MASP1: variants seen among roughly 807,000 people sequenced by gnomAD.
The protein encoded by MASP1 is mannan-binding lectin serine protease 1.
Under a neutral mutation model 77.1 loss-of-function variants are expected in MASP1, and 59 were observed. That is an observed-to-expected ratio of 0.77 (90% CI 0.62 to 0.95). The LOEUF (loss-of-function observed/expected upper bound fraction) is 0.95, where lower values mean the gene tolerates loss of function less well. Among genes scored for constraint, MASP1 ranks in the 40% least tolerant of loss-of-function variants. The pLI is 0.00. For missense variants in MASP1, 885 were observed against 912.9 expected, an observed-to-expected ratio of 0.97 and a Z score of 0.39; for synonymous variants, 362 against 354.5, an observed-to-expected ratio of 1.02 and a Z score of -0.24.
At chr3:187,232,226 TC>T (rs113770534), downstream of MASP1, among the ~76,000 whole-genome samples, 2,474 of 148,740 alleles carry the variant, frequency 0.017, 71 homozygotes, top group African/African-American at 0.06. Flanking sequence ...TCTGATCCCT[TC>T]CCCCCCCCCC....
chr3:187,284,090 T>C (rs1717653907), intron 2 of MASP1, among the ~76,000 whole-genome samples: 1 of 152,222 alleles, frequency 6.6e-6, no homozygotes, highest in Non-Finnish European at 1.5e-5. Context: ...GCATCTAGAT[T>C]ACCAATCCGC....
intron 1 of MASP1, among the ~76,000 whole-genome samples, chr3:187,290,080 T>G (rs575320619): frequency 2.8e-4 from 42 of 152,328 alleles, no homozygotes; most frequent in Middle Eastern, 3.4e-3. Flanking sequence ...TGCTAGGTGC[T>G]GGCCATACAA....
Position 187,291,652 on chromosome 3 carries a change from C to A in MASP1, c.-20G>T. The A allele has an allele frequency of 6.2e-7, 1 of 1,614,222 alleles. No individual in the cohort carries two copies. The highest frequency in any genetic ancestry group is 1.3e-5 in the African/African-American group (1 of 75,062). ...CCTCATTTTCCTGCCTTGGGTGCTC[C>A]CGGCTGCCCGGCCTTGGTCCTCCCA... On this transcript the variant is annotated 5_prime_UTR_variant, in exon 1 of 11. Transcript: ENST00000296280.
intron 3 of MASP1, among the ~76,000 whole-genome samples, chr3:187,262,295 A>G (rs1715647260): frequency 6.6e-6 from 1 of 152,230 alleles, no homozygotes; most frequent in South Asian, 2.1e-4. Context: ...ATGCATGCTG[A>G]ATTATTTAGG....
At chr3:187,221,074 T>C (rs1307293437) in exon 15 of MASP1, 1 of 1,614,170 alleles carries the variant, frequency 6.2e-7, no homozygotes, top group Admixed American at 1.7e-5. Flanking sequence ...CTGGTCACTT[T>C]CTTCTTCAGC....
chr3:187,240,387 C>T (rs1366933842), intron 10 of MASP1, among the ~76,000 whole-genome samples: 2 of 152,080 alleles, frequency 1.3e-5, no homozygotes, highest in Non-Finnish European at 2.9e-5. Flanking sequence ...TGCAAACATG[C>T]AGATGGAATT....
chr3:187,288,680 A>G (rs1450585360), intron 1 of MASP1, among the ~76,000 whole-genome samples: 4 of 152,214 alleles, frequency 2.6e-5, no homozygotes, highest in Non-Finnish European at 5.9e-5. Flanking sequence ...GGACTTCCCT[A>G]TAATAGCGAC....
chr3:187,227,069 A>G (rs1175130153), intron 11 of MASP1, among the ~76,000 whole-genome samples: 1 of 152,242 alleles, frequency 6.6e-6, no homozygotes, highest in African/African-American at 2.4e-5. Context: ...GCACGTTAGA[A>G]TTACCTGGTG....
chr3:187,244,649 T>A (rs1713935830), intron 8 of MASP1: 1 of 152,216 alleles, frequency 6.6e-6, no homozygotes, highest in Non-Finnish European at 1.5e-5. Context: ...TACAGCAAGT[T>A]ACTATCAGAA....
At chr3:187,290,500 A>G (rs1049929913) in intron 1 of MASP1, among the ~76,000 whole-genome samples, 5 of 152,188 alleles carry the variant, frequency 3.3e-5, no homozygotes, top group African/African-American at 1.2e-4. Flanking sequence ...TTGGAGAAAG[A>G]AAAATGATGT....
intron 8 of MASP1, among the ~76,000 whole-genome samples, chr3:187,249,892 C>T (rs897745030): frequency 2.0e-5 from 3 of 152,200 alleles, no homozygotes; most frequent in Admixed American, 6.5e-5. Flanking sequence ...AGCAAGGTCA[C>T]TCAGCTCTGG....
At chr3:187,219,452 TA>T (rs1430115768) in exon 16 of MASP1, 2 of 155,368 alleles carry the variant, frequency 1.3e-5, no homozygotes, top group Admixed American at 6.3e-5. Context: ...CTAGGGGACA[TA>T]CCACAGGACT....
At chr3:187,219,921 G>T in exon 16 of MASP1, 1 of 761,548 alleles carries the variant, frequency 1.3e-6, no homozygotes, top group Non-Finnish European at 2.2e-6. Flanking sequence ...GTGAAAAGGG[G>T]GTGAAGATAC....
intron 6 of MASP1, among the ~76,000 whole-genome samples, chr3:187,252,444 T>C (rs932215873): frequency 1.3e-5 from 2 of 152,156 alleles, no homozygotes; most frequent in Non-Finnish European, 2.9e-5. Context: ...TCTGACAGGC[T>C]CTTCAGGCCT....
At chr3:187,240,847 G>C (rs751696918) in intron 10 of MASP1, among the ~76,000 whole-genome samples, 7 of 152,200 alleles carry the variant, frequency 4.6e-5, no homozygotes, top group Non-Finnish European at 1.0e-4. Flanking sequence ...TGTTGACCAG[G>C]CTGGTCTTGA....
chr3:187,284,439 A>G (rs1180884885), intron 2 of MASP1, among the ~76,000 whole-genome samples: 1 of 152,208 alleles, frequency 6.6e-6, no homozygotes, highest in East Asian at 1.9e-4. Flanking sequence ...AGCTTTTCTC[A>G]GCAAATGATC....
intron 3 of MASP1, among the ~76,000 whole-genome samples, chr3:187,261,304 G>A (rs1715558024): frequency 6.6e-6 from 1 of 152,190 alleles, no homozygotes; most frequent in Admixed American, 6.5e-5. Context: ...GGCAGACCCA[G>A]GATTTAAATA....
chr3:187,223,261 G>T, intron 13 of MASP1: 2 of 1,232,950 alleles, frequency 1.6e-6, no homozygotes, highest in South Asian at 1.2e-5. Context: ...GGTGCAGCTT[G>T]CAGCTCCATC....
Position 187,243,505 on chromosome 3 carries a change from T to C in MASP1, c.1207A>G (p.Lys403Glu). The change falls in exon 9 of 11, where the codon AAG (lysine) becomes GAG (glutamate). Residue 403 changes from lysine to glutamate, a missense_variant. Coordinates refer to ENST00000296280, the MANE Select transcript of MASP1 (RefSeq NM_139125.4). ...IKYSCQEPYY[K>E]MLNNNTGIYT... ...TTACCTGTGTTATTGTTGAGCATCT[T>C]GTAATAGGGCTCCTGACAGGAGTAT... 6.2e-7 allele frequency: 1 copy of C among 1,614,114 alleles called. No individual in the cohort carries two copies. Among genetic ancestry groups the C allele is most frequent in the Non-Finnish European group, 8.5e-7 (1 of 1,179,980 alleles).
Sources: allele counts gnomAD v4.1 joint callset (sites outside exome capture counted in the v4.1 genomes callset), GRCh38; gene constraint gnomAD v4.1.1; transcripts MANE v1.5; gene names NCBI Gene and HGNC (gene_info 2026-07-23, HGNC 2026-07-21).